The following OTUD7B variants were observed in gnomAD, a reference collection of about 807,000 sequenced individuals.
OTUD7B encodes the protein OTU domain-containing protein 7B.
In OTUD7B, 34 loss-of-function variants were observed where a neutral mutation model predicts 82.2. The ratio of observed to expected loss-of-function variants is 0.41; its 90% CI spans 0.31 to 0.55. The LOEUF (loss-of-function observed/expected upper bound fraction) is 0.55. OTUD7B is among the 20% of genes least tolerant of loss of function. The probability of loss-of-function intolerance (pLI) is 0.20; values close to 1 mark genes in which losing one functional copy is unlikely to be tolerated. For missense variants in OTUD7B, 944 were observed against 1,062.1 expected (o/e 0.89, Z 1.55); for synonymous variants, 398 against 402.7 (o/e 0.99, Z 0.14).
At chr1:150,049,629 C>CTCTTT in the OTUD7B span, among the ~76,000 whole-genome samples, 62 of 43,460 alleles carry the variant, frequency 1.4e-3, 6 homozygotes, top group East Asian at 8.9e-3. Context: ...CTCTCTCTCT[C>CTCTTT]TTTCTTTTTT....
At chr1:149,974,219 C>T (rs1181456807) in intron 2 of OTUD7B, among the ~76,000 whole-genome samples, 1 of 152,188 alleles carries the variant, frequency 6.6e-6, no homozygotes, top group Non-Finnish European at 1.5e-5. Flanking sequence ...GCATGTGCCA[C>T]CACGCCCACC....
rs1647501681 is a variant in OTUD7B, at chr1:149,944,234, G to C, written c.2155C>G (p.Pro719Ala). Residue 719 changes from proline (P) to alanine (A), a missense_variant, in exon 12 of 12, where the codon CCA becomes GCA. Transcript: ENST00000581312. ...TATGGTGGTAGGCCCCCGACACATG[G>C]ACCCCCTGCCAACTGCCTCCGGGGT... ...QEPRRQLAGG[P>A]CVGGLPPYAT... 1 of 1,612,800 alleles carries C rather than the reference G, an allele frequency of 6.2e-7. No individual in the cohort carries two copies. Among genetic ancestry groups the C allele is most frequent in the South Asian group, 1.1e-5 (1 of 91,004 alleles).
intron 6 of OTUD7B, chr1:149,963,720 T>C (rs1057132066): frequency 6.5e-6 from 1 of 154,352 alleles, no homozygotes; most frequent in African/African-American, 2.4e-5. Context: ...ATGCTTTTTG[T>C]GTGTGTGTGT....
intron 1 of OTUD7B, among the ~76,000 whole-genome samples, chr1:149,989,546 G>C (rs1182517996): frequency 6.8e-6 from 1 of 148,006 alleles, no homozygotes; most frequent in Non-Finnish European, 1.5e-5. Flanking sequence ...GTCCCAGTGA[G>C]ACCCATCTCT....
At chr1:150,028,231 C>T in the OTUD7B span, among the ~76,000 whole-genome samples, 1 of 152,302 alleles carries the variant, frequency 6.6e-6, no homozygotes, top group East Asian at 1.9e-4. Flanking sequence ...GCCAAGCAAG[C>T]ATTAACAAGT....
chr1:149,956,078 A>G (rs1648644710), intron 7 of OTUD7B, among the ~76,000 whole-genome samples: 1 of 152,142 alleles, frequency 6.6e-6, no homozygotes, highest in South Asian at 2.1e-4. Flanking sequence ...TCCTGTCATT[A>G]TGATGTTAGC....
chr1:149,967,589 T>C, intron 3 of OTUD7B, 68 bp from the exon 4 acceptor site: 1 of 1,196,444 alleles, frequency 8.4e-7, no homozygotes, highest in Non-Finnish European at 1.2e-6. Flanking sequence ...ACTGATGTGG[T>C]GATAGTTACC....
chr1:150,040,342 T>C, the OTUD7B span, among the ~76,000 whole-genome samples: 8 of 152,228 alleles, frequency 5.3e-5, no homozygotes, highest in African/African-American at 1.9e-4. Context: ...GTACTTAATA[T>C]ATGCCAGGCA....
At chr1:149,957,475 C>T (rs1019987777) in intron 7 of OTUD7B, among the ~76,000 whole-genome samples, 6 of 148,200 alleles carry the variant, frequency 4.0e-5, no homozygotes, top group South Asian at 2.1e-4. Context: ...TTAGGCTACT[C>T]GGGGGTCAGG....
chr1:149,959,555 G>A, intron 7 of OTUD7B, 129 bp downstream of exon 7: 1 of 651,594 alleles, frequency 1.5e-6, no homozygotes. Context: ...ACACACTTTT[G>A]TGCCCTTAGC....
At chr1:150,018,635 C>A in the OTUD7B span, among the ~76,000 whole-genome samples, 1 of 152,174 alleles carries the variant, frequency 6.6e-6, no homozygotes, top group Non-Finnish European at 1.5e-5. Context: ...AAGATGCAAT[C>A]ATTGCCCTTA....
intron 1 of OTUD7B, among the ~76,000 whole-genome samples, chr1:149,978,819 T>C (rs1650505392): frequency 6.6e-6 from 1 of 152,234 alleles, no homozygotes; most frequent in Non-Finnish European, 1.5e-5. Context: ...GATCAAATTC[T>C]GCCAAGTTTA....
chr1:150,021,309 G>C, the OTUD7B span, among the ~76,000 whole-genome samples: 2 of 152,160 alleles, frequency 1.3e-5, no homozygotes, highest in Non-Finnish European at 2.9e-5. Flanking sequence ...CCAGGTCTGG[G>C]CAGGGTCCTA....
rs1553769806 is a variant in OTUD7B, at chr1:149,938,906, TGGGCGA to T, written c.*4945_*4950del. On this transcript the variant is annotated 3_prime_UTR_variant, in exon 12 of 12. Transcript: ENST00000581312. ...GGGATCGCGCCATTGCACTCCATCC[TGGGCGA>T]CAAGAGCGAAACTCTGTCTCAAAAA... 3 of 118,700 alleles carry T rather than the reference TGGGCGA, an allele frequency of 2.5e-5. No individual in the cohort carries two copies. The highest frequency in any genetic ancestry group is 4.8e-5 in the Non-Finnish European group (3 of 62,144). 7.4% of individuals were successfully genotyped at this position (118,700 alleles called of 1,614,324 possible). A position where few individuals can be genotyped will look rare whatever the true frequency, so the allele number is the denominator to read the frequency against.
upstream of OTUD7B, among the ~76,000 whole-genome samples, chr1:150,014,058 ATGTGTG>A (rs782449466): frequency 5.3e-4 from 46 of 87,496 alleles, no homozygotes; most frequent in African/African-American, 1.5e-3. Flanking sequence ...GTGTATATAT[ATGTGTG>A]TGTGTGTGTG....
chr1:150,039,635 G>A, the OTUD7B span, among the ~76,000 whole-genome samples: 52 of 152,238 alleles, frequency 3.4e-4, no homozygotes, highest in African/African-American at 1.1e-3. Context: ...TCGGCCTCCC[G>A]AAGTGCTGGG....
rs1391746724 is a variant in OTUD7B, at chr1:149,952,108, G to C, written c.846-1887C>G. 2.0e-5 allele frequency among the ~76,000 whole-genome samples: 3 copies of C among 151,896 alleles called. No homozygotes were observed. In the East Asian group the frequency reaches 5.8e-4, roughly 29 times the overall value. ...GTACATGTGCACAATGTGCAGGTTT[G>C]TTACATAAGTATACATATGCCACGT... On this transcript the variant is annotated intron_variant, in intron 7 of 11. Transcript: ENST00000581312.
upstream of OTUD7B, among the ~76,000 whole-genome samples, chr1:150,014,156 T>G (rs1413995264): frequency 7.1e-6 from 1 of 140,844 alleles, no homozygotes; most frequent in Non-Finnish European, 1.5e-5. Context: ...CCCAGCACTT[T>G]GGGAGGCCAA....
At chr1:150,058,302 T>C in the OTUD7B span, among the ~76,000 whole-genome samples, 2 of 151,964 alleles carry the variant, frequency 1.3e-5, no homozygotes, top group East Asian at 1.9e-4. Context: ...AGTCCAGGAG[T>C]TCGAGATCAG....
Sources: gnomAD v4.1 joint callset for allele counts (sites outside exome capture counted in the v4.1 genomes callset) on GRCh38, gnomAD v4.1.1 for gene constraint, MANE v1.5 for transcripts, NCBI Gene and HGNC (gene_info 2026-07-23, HGNC 2026-07-21) for gene names.